The following GPR176 variants were observed in gnomAD, a reference collection of about 807,000 sequenced individuals.
The protein encoded by GPR176 is G protein-coupled receptor 176.
Under a neutral mutation model 35.4 loss-of-function variants are expected in GPR176, and 26 were observed. The ratio of observed to expected loss-of-function variants is 0.74; its 90% confidence interval spans 0.54 to 1.02. The LOEUF (loss-of-function observed/expected upper bound fraction) is 1.02. Among genes scored for constraint, GPR176 ranks in the 50% least tolerant of loss-of-function variants. The pLI is 0.00. For synonymous variants in GPR176, 278 were observed against 271.3 expected (o/e 1.02, Z -0.24); for missense variants, 597 against 665.3 (o/e 0.90, Z 1.13).
At chr15:39,882,897 G>A (rs781762272) in intron 1 of GPR176, among the ~76,000 whole-genome samples, 8 of 152,176 alleles carry the variant, frequency 5.3e-5, no homozygotes, top group African/African-American at 1.9e-4. Context: ...CACAGATAAT[G>A]TCAGGAAGGA....
intron 1 of GPR176, among the ~76,000 whole-genome samples, chr15:39,842,580 T>A (rs756478995): frequency 1.3e-5 from 2 of 151,920 alleles, no homozygotes; most frequent in Non-Finnish European, 2.9e-5. Flanking sequence ...AGTACTCTTA[T>A]AAAAAGAAGC....
intron 1 of GPR176, among the ~76,000 whole-genome samples, chr15:39,809,323 G>A (rs1447973491): frequency 1.3e-5 from 2 of 152,134 alleles, no homozygotes; most frequent in Admixed American, 6.5e-5. Context: ...GGATGAACAT[G>A]TCAGGATACA....
rs6145533 is a variant in GPR176, at chr15:39,872,911, C to CTGTG, written c.172+46940_172+46943dup. Reference sequence around the variant, plus strand: ...TGGTGGGGACAAATATCCAAAATATCTGTGTGTGTGTGTGTGTGTGTGTGT... The same window carrying CTGTG: ...TGGTGGGGACAAATATCCAAAATATCTGTGTGTGTGTGTGTGTGTGTGTGTGTGT... On this transcript the variant is annotated intron_variant, in intron 1 of 2. Coordinates refer to ENST00000561100, the MANE Select transcript of GPR176 (RefSeq NM_007223.3). 1.9e-3 allele frequency among the ~76,000 whole-genome samples: 269 copies of CTGTG among 141,484 alleles called. 2 individuals are homozygous for CTGTG. Among genetic ancestry groups the CTGTG allele is most frequent in the Non-Finnish European group, 3.0e-3 (197 of 64,958 alleles). The allele number at this position is 141,484 out of a possible 152,430, so 92.8% of individuals were successfully genotyped here. A position where few individuals can be genotyped will look rare whatever the true frequency, so the allele number is the denominator to read the frequency against.
chr15:39,920,104 G>A lies in GPR176; in HGVS notation c.-78C>T. The A allele has an allele frequency of 9.9e-7, 1 of 1,006,246 alleles. No homozygotes were observed. The highest frequency in any genetic ancestry group is 3.4e-5 in the South Asian group (1 of 29,126). 62.3% of individuals were successfully genotyped at this position (1,006,246 alleles called of 1,614,324 possible). Reference sequence around the variant, plus strand: ...GAGCCTCTCCTCCTCCGGGTGAGGAGGGACGCGCGGGCGCCTGGCGGAGTC... The same window carrying A: ...GAGCCTCTCCTCCTCCGGGTGAGGAAGGACGCGCGGGCGCCTGGCGGAGTC... On this transcript the variant is annotated 5_prime_UTR_variant, in exon 1 of 3. Coordinates refer to ENST00000561100, the MANE Select transcript of GPR176 (RefSeq NM_007223.3).
At chr15:39,809,036 G>A (rs1007470157) in intron 1 of GPR176, among the ~76,000 whole-genome samples, 2 of 152,278 alleles carry the variant, frequency 1.3e-5, no homozygotes, top group Middle Eastern at 3.4e-3. Context: ...CAGTCCTCAG[G>A]TGTGAAGGGC....
intron 1 of GPR176, among the ~76,000 whole-genome samples, chr15:39,828,470 T>C (rs1000580953): frequency 9.9e-5 from 15 of 152,168 alleles, no homozygotes; most frequent in Admixed American, 3.3e-4. Flanking sequence ...CCTTCCTGGT[T>C]CTTTGGGGAT....
At chr15:39,861,046 C>T (rs1255101219) in intron 1 of GPR176, 1 of 152,126 alleles carries the variant, frequency 6.6e-6, no homozygotes, top group Non-Finnish European at 1.5e-5. Context: ...CCTAAGAGTC[C>T]AATGTCTCAC....
chr15:39,881,742 C>T (rs969895919), intron 1 of GPR176, among the ~76,000 whole-genome samples: 7 of 152,194 alleles, frequency 4.6e-5, no homozygotes, highest in African/African-American at 1.7e-4. Context: ...GTGCTCATTA[C>T]AGTATAAACA....
chr15:39,891,880 C>A (rs1042191958), intron 1 of GPR176, among the ~76,000 whole-genome samples: 2 of 152,172 alleles, frequency 1.3e-5, no homozygotes, highest in Middle Eastern at 3.4e-3. Flanking sequence ...ACTAGTGCTC[C>A]AGGTAGAAAT....
chr15:39,877,598 G>A (rs1378299265), intron 1 of GPR176, among the ~76,000 whole-genome samples: 1 of 138,408 alleles, frequency 7.2e-6, no homozygotes, highest in Non-Finnish European at 1.5e-5. Flanking sequence ...GCCTTGCTCT[G>A]TTGCCTAGGC....
chr15:39,813,740 G>C lies in GPR176; in HGVS notation c.173-6482C>G, dbSNP rs565886964. On this transcript the variant is annotated intron_variant, in intron 1 of 2. Coordinates refer to ENST00000561100, the MANE Select transcript of GPR176 (RefSeq NM_007223.3). ...TTTTAATAGCTACATAAAGGCAACAGTGCCTTCATGGTCATGCCCTAATTC... is the reference window on the plus strand; with the variant it reads ...TTTTAATAGCTACATAAAGGCAACACTGCCTTCATGGTCATGCCCTAATTC... The C allele has an allele frequency of 7.2e-5, 11 of 152,254 alleles. No homozygotes were observed. In the South Asian group the frequency reaches 2.1e-3, roughly 29 times the overall value. The allele number at this position is 152,254 out of a possible 1,614,324, so 9.4% of individuals were successfully genotyped here.
rs3065169 is a variant in GPR176, at chr15:39,832,689, A to AC, written c.173-25432_173-25431insG. Among the ~76,000 whole-genome samples, 42 of 151,538 alleles carry AC rather than the reference A, an allele frequency of 2.8e-4. No homozygotes were observed. In the East Asian group the frequency reaches 6.4e-3, roughly 23 times the overall value. On this transcript the variant is annotated intron_variant, in intron 1 of 2. Coordinates refer to ENST00000561100, the MANE Select transcript of GPR176 (RefSeq NM_007223.3). ...CACACACACACACACACACACACACAAATCTTATAATGTCTTAAGAAAGTT... is the reference window on the plus strand; with the variant it reads ...CACACACACACACACACACACACACACAATCTTATAATGTCTTAAGAAAGTT...
chr15:39,882,503 GT>G (rs764593416), intron 1 of GPR176, among the ~76,000 whole-genome samples: 17 of 152,298 alleles, frequency 1.1e-4, no homozygotes, highest in Non-Finnish European at 2.1e-4. Context: ...CTTTTCATGA[GT>G]TAACATTTCT....
intron 1 of GPR176, among the ~76,000 whole-genome samples, chr15:39,810,631 A>G (rs1301160914): frequency 6.6e-6 from 1 of 152,226 alleles, no homozygotes; most frequent in African/African-American, 2.4e-5. Context: ...TTAAAGCAGT[A>G]AAATATCCAT....
intron 1 of GPR176, among the ~76,000 whole-genome samples, chr15:39,842,638 A>G (rs2030092759): frequency 6.6e-6 from 1 of 152,070 alleles, no homozygotes; most frequent in African/African-American, 2.4e-5. Flanking sequence ...CACAGTGAAA[A>G]GACATTCTGG....
chr15:39,828,443 G>C (rs904864941), intron 1 of GPR176, among the ~76,000 whole-genome samples: 1 of 152,242 alleles, frequency 6.6e-6, no homozygotes, highest in Non-Finnish European at 1.5e-5. Context: ...GTGCTACTTA[G>C]GATGCTGCTC....
chr15:39,822,981 G>A (rs992058783), intron 1 of GPR176, among the ~76,000 whole-genome samples: 2 of 152,148 alleles, frequency 1.3e-5, no homozygotes, highest in Admixed American at 6.5e-5. Context: ...CAGATCATTC[G>A]AAGGCCTTGG....
At chr15:39,870,836 C>T (rs1006663621) in intron 1 of GPR176, among the ~76,000 whole-genome samples, 1 of 152,052 alleles carries the variant, frequency 6.6e-6, no homozygotes, top group Admixed American at 6.5e-5. Context: ...TTTCTAGGAG[C>T]TTAGAGTCCC....
intron 1 of GPR176, among the ~76,000 whole-genome samples, chr15:39,863,942 C>T (rs2031719239): frequency 6.6e-6 from 1 of 152,132 alleles, no homozygotes; most frequent in Admixed American, 6.5e-5. Flanking sequence ...GAATATAAGG[C>T]TTGTATATTA....
Sources: allele counts gnomAD v4.1 joint callset (sites outside exome capture counted in the v4.1 genomes callset), GRCh38; gene constraint gnomAD v4.1.1; transcripts MANE v1.5; gene names NCBI Gene and HGNC (gene_info 2026-07-23, HGNC 2026-07-21).